FUT8: variants seen among roughly 807,000 people sequenced by gnomAD.
FUT8 encodes alpha-(1,6)-fucosyltransferase.
In FUT8, 29 loss-of-function variants were observed where a neutral mutation model predicts 71.3. That is an observed-to-expected ratio of 0.41 (90% CI 0.30 to 0.55). The LOEUF is 0.55. FUT8 is among the 20% of genes least tolerant of loss of function. The pLI is 0.34. For synonymous variants in FUT8, 254 were observed against 239.3 expected (o/e 1.06, Z -0.57); for missense variants, 544 against 702.1 (o/e 0.77, Z 2.55).
rs1489015662 is a variant in FUT8, at chr14:65,635,269, T to A, written c.597+5663T>A. 2.6e-5 allele frequency among the ~76,000 whole-genome samples: 4 copies of A among 152,130 alleles called. No individual in the cohort carries two copies. In the East Asian group the frequency reaches 7.7e-4, roughly 29 times the overall value. Reference sequence around the variant, plus strand: ...GAATCTTTAGGGTTTTTGAGGTAAATGATCATATCGTCAGCAAACAGTGAC... The same window carrying A: ...GAATCTTTAGGGTTTTTGAGGTAAAAGATCATATCGTCAGCAAACAGTGAC... On this transcript the variant is annotated intron_variant, in intron 6 of 10. Transcript: ENST00000673929.
At chr14:65,621,245 GT>G (rs376489698) in intron 5 of FUT8, among the ~76,000 whole-genome samples, 64 of 145,672 alleles carry the variant, frequency 4.4e-4, no homozygotes, top group Non-Finnish European at 4.9e-4. Flanking sequence ...ATTTGTTCCT[GT>G]TTTTTTTTTT....
rs117509929 is a variant in FUT8 at position 65,412,838 on chromosome 14, C to G, written c.-702C>G. 6.0e-5 allele frequency: 10 copies of G among 167,210 alleles called. No homozygotes were observed. The highest frequency in any genetic ancestry group is 5.8e-4 in the Admixed American group (9 of 15,486). 10.4% of individuals were successfully genotyped at this position (167,210 alleles called of 1,614,324 possible). ...CTCCGGCCGACCCGAGCAGCCGGTT[C>G]CCTCCTCTCCAGGCCCCCTCCCCAT... On this transcript the variant is annotated 5_prime_UTR_variant, in exon 1 of 11. Coordinates refer to ENST00000673929, the MANE Select transcript of FUT8 (RefSeq NM_001371533.1).
intron 2 of FUT8, among the ~76,000 whole-genome samples, chr14:65,536,165 C>T (rs1426398218): frequency 6.6e-6 from 1 of 152,128 alleles, no homozygotes; most frequent in East Asian, 1.9e-4. Flanking sequence ...AGATGTGTCT[C>T]TTGAAGACAG....
chr14:65,676,715 T>A (rs1390982357), intron 7 of FUT8, among the ~76,000 whole-genome samples: 2 of 152,030 alleles, frequency 1.3e-5, no homozygotes, highest in African/African-American at 4.8e-5. Flanking sequence ...CAGTCACAGT[T>A]GACCTTCAAC....
At chr14:65,542,447 C>A (rs1445944111) in intron 2 of FUT8, among the ~76,000 whole-genome samples, 2 of 152,122 alleles carry the variant, frequency 1.3e-5, no homozygotes, top group Non-Finnish European at 2.9e-5. Flanking sequence ...CCATAGTATC[C>A]CACAATGGTT....
At chr14:65,567,542 A>G (rs1237450062) in intron 3 of FUT8, among the ~76,000 whole-genome samples, 3 of 151,960 alleles carry the variant, frequency 2.0e-5, no homozygotes, top group African/African-American at 4.8e-5. Context: ...AGTCTCTCAT[A>G]TAAGAAGTGT....
In FUT8 at chr14:65,643,510, C is replaced by G. The variant is rs147340129; in HGVS notation, c.597+13904C>G. Among the ~76,000 whole-genome samples, 5 of 151,832 alleles carry G rather than the reference C, an allele frequency of 3.3e-5. No homozygotes were observed. The highest frequency in any genetic ancestry group is 3.3e-4 in the Admixed American group (5 of 15,236). ...TCTACTAAAAATACAAAAGATTAGCCGGGCGTGGTGGCGGGCACCTGTAGT... is the reference window on the plus strand; with the variant it reads ...TCTACTAAAAATACAAAAGATTAGCGGGGCGTGGTGGCGGGCACCTGTAGT... On this transcript the variant is annotated intron_variant, in intron 6 of 10. Coordinates refer to ENST00000673929, the MANE Select transcript of FUT8 (RefSeq NM_001371533.1). This position sits in a 1 kb window ranked among gnomAD's most constrained non-coding sequence, Gnocchi z 4.5.
intron 1 of FUT8, among the ~76,000 whole-genome samples, chr14:65,435,736 G>A (rs2065545714): frequency 6.6e-6 from 1 of 151,284 alleles, no homozygotes; most frequent in Non-Finnish European, 1.5e-5. Flanking sequence ...CGATGTTTGA[G>A]AGTTCCAGTT....
At chr14:65,651,089 C>T (rs1184211544) in intron 6 of FUT8, among the ~76,000 whole-genome samples, 2 of 152,194 alleles carry the variant, frequency 1.3e-5, no homozygotes, top group Non-Finnish European at 1.5e-5. Context: ...ATGGATGCTA[C>T]AGCCACAGAG....
chr14:65,401,399 A>G, the FUT8 span, among the ~76,000 whole-genome samples: 1 of 152,316 alleles, frequency 6.6e-6, no homozygotes, highest in East Asian at 1.9e-4. Context: ...AGTAGTTTGG[A>G]CCAAAGTAAC....
At chr14:65,729,936 C>T (rs575584249) in intron 9 of FUT8, among the ~76,000 whole-genome samples, 33 of 151,622 alleles carry the variant, frequency 2.2e-4, no homozygotes, top group Non-Finnish European at 3.7e-4. Context: ...TTTTTATTTT[C>T]GACTTGAGTC....
intron 7 of FUT8, among the ~76,000 whole-genome samples, chr14:65,692,143 G>A (rs965274406): frequency 2.6e-5 from 4 of 151,976 alleles, no homozygotes; most frequent in African/African-American, 7.2e-5. Flanking sequence ...GGTGGTGGCC[G>A]GGCAGAGGGG....
chr14:65,385,319 A>C, the FUT8 span, among the ~76,000 whole-genome samples: 1 of 151,722 alleles, frequency 6.6e-6, no homozygotes, highest in East Asian at 1.9e-4. Flanking sequence ...ATATAAAAAA[A>C]CTTTTCTTTA....
Position 65,622,380 on chromosome 14 carries a change from C to G in FUT8, c.482+6007C>G, listed in dbSNP as rs74058539. On this transcript the variant is annotated intron_variant, in intron 5 of 10. Coordinates refer to ENST00000673929, the MANE Select transcript of FUT8 (RefSeq NM_001371533.1). ...ATTATAGATTCTAGTAGGCTCTGGT[C>G]AGACCTATTAATACATTAGGAAAAC... Among the ~76,000 whole-genome samples, 1,184 of 152,254 alleles carry G rather than the reference C, an allele frequency of 7.8e-3. 9 individuals are homozygous for G. Among genetic ancestry groups the G allele is most frequent in the African/African-American group, 0.024 (982 of 41,538 alleles).
intron 2 of FUT8, among the ~76,000 whole-genome samples, chr14:65,528,470 G>C (rs1883676507): frequency 6.6e-6 from 1 of 152,200 alleles, no homozygotes; most frequent in Non-Finnish European, 1.5e-5. Flanking sequence ...GGCTAGGAAA[G>C]GGGATTTCCT....
In FUT8 at chr14:65,423,347, C is replaced by T. The variant is rs559160873; in HGVS notation, c.-326+10133C>T. Among the ~76,000 whole-genome samples the T allele has an allele frequency of 7.3e-5, 11 of 151,328 alleles. No homozygotes were observed. The East Asian group carries it at 1.4e-3, about 19-fold the overall frequency. On this transcript the variant is annotated intron_variant, in intron 1 of 10. Coordinates refer to ENST00000673929, the MANE Select transcript of FUT8 (RefSeq NM_001371533.1). The stretch of plus-strand genomic sequence containing the variant: ...CGCAATCTCTGCTCACTGCCAGCTC[C>T]GCCTCCCAGGTTCACGCCATTCTCC...
intron 2 of FUT8, among the ~76,000 whole-genome samples, chr14:65,531,332 A>T (rs1883941992): frequency 6.6e-6 from 1 of 152,070 alleles, no homozygotes; most frequent in African/African-American, 2.4e-5. Context: ...GAAGTGTACC[A>T]TATCTGATTA....
chr14:65,726,293 A>G (rs982069073), intron 9 of FUT8, among the ~76,000 whole-genome samples: 2 of 152,264 alleles, frequency 1.3e-5, no homozygotes, highest in African/African-American at 4.8e-5. Flanking sequence ...AAATTAATTC[A>G]TGCTCACTTA....
At chr14:65,678,513 C>G (rs530581320) in intron 7 of FUT8, among the ~76,000 whole-genome samples, 16 of 152,308 alleles carry the variant, frequency 1.1e-4, no homozygotes, top group Admixed American at 3.3e-4. Flanking sequence ...CCTGACAAAA[C>G]AGTCTTCAGA....
Sources: gnomAD v4.1 joint callset for allele counts (sites outside exome capture counted in the v4.1 genomes callset) on GRCh38, gnomAD v4.1.1 for gene constraint, Gnocchi (gnomAD v3.1) non-coding constraint, MANE v1.5 for transcripts, NCBI Gene and HGNC (gene_info 2026-07-23, HGNC 2026-07-21) for gene names.